CFAP52: variants seen among roughly 807,000 people sequenced by gnomAD.
CFAP52 encodes the protein cilia- and flagella-associated protein 52.
A neutral mutation model predicts 70.5 loss-of-function variants in CFAP52; 57 were observed. That is an observed-to-expected ratio of 0.81 (90% confidence interval 0.65 to 1.01). CFAP52 has a LOEUF of 1.01. CFAP52 is among the 50% of genes least tolerant of loss of function. The pLI, the probability that CFAP52 is intolerant of heterozygous loss-of-function variation, is 0.00. For synonymous variants in CFAP52, 267 were observed against 292.5 expected, an observed-to-expected ratio of 0.91 and a Z score of 0.89; for missense variants, 785 against 788.5, an observed-to-expected ratio of 1.00 and a Z score of 0.05.
At chr17:9,641,000 C>T (rs1210855445) in intron 12 of CFAP52, among the ~76,000 whole-genome samples, 1 of 152,090 alleles carries the variant, frequency 6.6e-6, no homozygotes, top group East Asian at 1.9e-4. Flanking sequence ...AGGTTGATTC[C>T]CTGTCTTTGC....
At chr17:9,597,229 A>G (rs1202300028) in intron 4 of CFAP52, among the ~76,000 whole-genome samples, 2 of 152,162 alleles carry the variant, frequency 1.3e-5, no homozygotes, top group African/African-American at 2.4e-5. Flanking sequence ...GTTGTCACAA[A>G]TGACAGAATT....
At chr17:9,615,036 A>G (rs1024438091) in intron 8 of CFAP52, among the ~76,000 whole-genome samples, 1 of 152,232 alleles carries the variant, frequency 6.6e-6, no homozygotes, top group Non-Finnish European at 1.5e-5. Flanking sequence ...TCGCCTTTTA[A>G]TAAGTAAGGG....
chr17:9,577,323 C>T (rs1908003479), intron 1 of CFAP52, among the ~76,000 whole-genome samples: 1 of 152,130 alleles, frequency 6.6e-6, no homozygotes, highest in South Asian at 2.1e-4. Context: ...GATTTCAGAC[C>T]AGGACAGAAG....
intron 8 of CFAP52, among the ~76,000 whole-genome samples, chr17:9,614,312 C>T (rs561579279): frequency 3.9e-5 from 6 of 152,032 alleles, no homozygotes; most frequent in South Asian, 4.2e-4. Flanking sequence ...TGTGCCACCG[C>T]GCCCAGCTAA....
chr17:9,610,465 G>C (rs1909669952), intron 7 of CFAP52: 1 of 152,160 alleles, frequency 6.6e-6, no homozygotes, highest in African/African-American at 2.4e-5. Flanking sequence ...AGAAGTCATG[G>C]AGACTGGAAA....
chr17:9,597,835 GAGAA>G (rs1909086244), intron 4 of CFAP52, among the ~76,000 whole-genome samples: 3 of 150,504 alleles, frequency 2.0e-5, no homozygotes, highest in South Asian at 4.2e-4. Context: ...GAGAGAAAGA[GAGAA>G]AGAGAGAGAG....
chr17:9,587,504 CT>C (rs1325375109), intron 3 of CFAP52, among the ~76,000 whole-genome samples: 2 of 152,168 alleles, frequency 1.3e-5, no homozygotes, highest in Admixed American at 6.5e-5. Flanking sequence ...TAAGCATTCC[CT>C]TTTCTTTGCA....
At chr17:9,624,784 G>A (rs1910177635) in intron 8 of CFAP52, among the ~76,000 whole-genome samples, 1 of 151,914 alleles carries the variant, frequency 6.6e-6, no homozygotes, top group Non-Finnish European at 1.5e-5. Flanking sequence ...ATATACTATA[G>A]CAACTCTGTT....
chr17:9,596,986 G>A (rs1403366643), intron 4 of CFAP52, among the ~76,000 whole-genome samples: 4 of 152,098 alleles, frequency 2.6e-5, no homozygotes, highest in Admixed American at 2.0e-4. Context: ...CCAAAGTGCT[G>A]GGATTACTGG....
intron 13 of CFAP52, among the ~76,000 whole-genome samples, chr17:9,642,695 G>T (rs759350930): frequency 1.1e-4 from 17 of 152,262 alleles, no homozygotes; most frequent in East Asian, 1.9e-4. Flanking sequence ...TACAAAGCAG[G>T]TATCAAACTA....
intron 7 of CFAP52, 111 bp from the exon 8 acceptor site, chr17:9,612,198 G>A (rs1468518684): frequency 7.4e-6 from 10 of 1,353,848 alleles, no homozygotes; most frequent in African/African-American, 1.4e-5. Context: ...ACTTCTGTGA[G>A]GGCGTGTCTG....
intron 3 of CFAP52, among the ~76,000 whole-genome samples, chr17:9,587,807 G>T (rs895996438): frequency 6.6e-6 from 1 of 152,112 alleles, no homozygotes; most frequent in African/African-American, 2.4e-5. Context: ...TTTCTGCAAG[G>T]CGTATTTCCA....
At chr17:9,614,762 C>A (rs945873582) in intron 8 of CFAP52, among the ~76,000 whole-genome samples, 1 of 152,172 alleles carries the variant, frequency 6.6e-6, no homozygotes, top group African/African-American at 2.4e-5. Context: ...CATTCCTGGG[C>A]TCTACCCATC....
chr17:9,630,851 T>C (rs1325325545), intron 9 of CFAP52, among the ~76,000 whole-genome samples: 1 of 148,534 alleles, frequency 6.7e-6, no homozygotes, highest in Non-Finnish European at 1.5e-5. Context: ...CCGGGCGTGG[T>C]GGCGGGAGCC....
At chr17:9,623,637 C>G (rs1269127873) in intron 8 of CFAP52, among the ~76,000 whole-genome samples, 2 of 151,848 alleles carry the variant, frequency 1.3e-5, no homozygotes, top group Non-Finnish European at 2.9e-5. Context: ...CATCTGTTAC[C>G]TTTCCCCTCT....
At chr17:9,640,662 C>G (rs1911011705) in intron 12 of CFAP52, among the ~76,000 whole-genome samples, 1 of 152,072 alleles carries the variant, frequency 6.6e-6, no homozygotes, top group Admixed American at 6.6e-5. Context: ...GAGACAGAGT[C>G]TCACTTTGTC....
chr17:9,590,908 G>A (rs1908717315), intron 3 of CFAP52, among the ~76,000 whole-genome samples: 1 of 152,016 alleles, frequency 6.6e-6, no homozygotes, highest in African/African-American at 2.4e-5. Context: ...TGGAGAGTCA[G>A]GGGTCAACCC....
chr17:9,613,107 C>A (rs970004737), intron 8 of CFAP52, among the ~76,000 whole-genome samples: 1 of 151,906 alleles, frequency 6.6e-6, no homozygotes, highest in South Asian at 2.1e-4. Context: ...GGCATATAGC[C>A]CCATCTTAAG....
chr17:9,603,184 C>G (rs1053726295), intron 6 of CFAP52, among the ~76,000 whole-genome samples: 1 of 152,096 alleles, frequency 6.6e-6, no homozygotes, highest in Admixed American at 6.6e-5. Context: ...CTTAAGTCAC[C>G]TGTGGATGCT....
Sources: allele counts gnomAD v4.1 joint callset (sites outside exome capture counted in the v4.1 genomes callset), GRCh38; gene constraint gnomAD v4.1.1; transcripts MANE v1.5; gene names NCBI Gene and HGNC (gene_info 2026-07-23, HGNC 2026-07-21).